TRIT1: variants seen among roughly 807,000 people sequenced by gnomAD.
The protein encoded by TRIT1 is tRNA isopentenyltransferase 1.
In TRIT1, 43 loss-of-function variants were observed where a neutral mutation model predicts 51.2. That is an observed-to-expected ratio of 0.84 (90% CI 0.66 to 1.08). TRIT1 has a LOEUF of 1.08. Ranked by LOEUF, TRIT1 falls within the 50% of genes least tolerant of loss-of-function variation. The pLI is 0.00. For synonymous variants in TRIT1, 184 were observed against 203.9 expected (o/e 0.90, Z 0.83); for missense variants, 528 against 578.4 (o/e 0.91, Z 0.89).
chr1:39,847,912 C>T, intron 6 of TRIT1, 74 bp downstream of exon 6: 1 of 1,436,890 alleles, frequency 7.0e-7, no homozygotes, highest in Non-Finnish European at 9.7e-7. Flanking sequence ...GACCCAAAGC[C>T]AGTATTAGCG....
intron 9 of TRIT1, 74 bp downstream of exon 9, chr1:39,844,457 A>G (rs1642105402): frequency 8.2e-7 from 1 of 1,216,920 alleles, no homozygotes; most frequent in East Asian, 2.4e-5. Context: ...GTTCTTCAAT[A>G]TAGCAACAAA....
chr1:39,847,668 C>G lies in TRIT1; in HGVS notation c.816-8G>C. 1 of 1,614,182 alleles carries G rather than the reference C, an allele frequency of 6.2e-7. No individual in the cohort carries two copies. The highest frequency in any genetic ancestry group is 8.5e-7 in the Non-Finnish European group (1 of 1,180,038). On this transcript the variant is annotated splice_polypyrimidine_tract_variant and splice_region_variant and intron_variant, in intron 6 of 10. Coordinates refer to ENST00000316891, the MANE Select transcript of TRIT1 (RefSeq NM_017646.6). ...CCATGTTGATAGTCCTGGCTGGGAACAGGAGGGTATCAGCAGATAAGCCAT... is the reference window on the plus strand; with the variant it reads ...CCATGTTGATAGTCCTGGCTGGGAAGAGGAGGGTATCAGCAGATAAGCCAT...
chr1:39,862,005 C>G (rs1249365434), intron 1 of TRIT1, among the ~76,000 whole-genome samples: 1 of 151,192 alleles, frequency 6.6e-6, no homozygotes, highest in African/African-American at 2.4e-5. Flanking sequence ...CTTGAACATA[C>G]TATGCTAAGT....
chr1:39,852,550 A>G, intron 4 of TRIT1, 181 bp downstream of exon 4: 1 of 681,432 alleles, frequency 1.5e-6, no homozygotes, highest in Non-Finnish European at 2.5e-6. Context: ...GGCTGCAATT[A>G]TTTATTGAGG....
At chr1:39,866,644 A>G (rs1284798353) in intron 1 of TRIT1, among the ~76,000 whole-genome samples, 1 of 152,136 alleles carries the variant, frequency 6.6e-6, no homozygotes, top group African/African-American at 2.4e-5. Flanking sequence ...AACTGTAGAT[A>G]TGCTGAATAA....
chr1:39,851,004 T>C (rs373341995), intron 4 of TRIT1, among the ~76,000 whole-genome samples: 3 of 151,426 alleles, frequency 2.0e-5, no homozygotes, highest in South Asian at 4.2e-4. Context: ...ACTAGGTAAT[T>C]TAACTCCCAA....
At chr1:39,882,744 C>T (rs182830862) in intron 1 of TRIT1, among the ~76,000 whole-genome samples, 3 of 152,340 alleles carry the variant, frequency 2.0e-5, no homozygotes, top group South Asian at 4.1e-4. Flanking sequence ...ACATTTTCCT[C>T]ACTTCACAGA....
At chr1:39,875,830 G>A (rs555050833) in intron 1 of TRIT1, among the ~76,000 whole-genome samples, 7 of 152,210 alleles carry the variant, frequency 4.6e-5, no homozygotes, top group African/African-American at 1.7e-4. Context: ...AAACAGCATG[G>A]AGATGAGGAT....
chr1:39,840,120 A>G lies in TRIT1; in HGVS notation c.*1624T>C, dbSNP rs1652501501. Among the ~76,000 whole-genome samples, 1 of 152,208 alleles carries G rather than the reference A, an allele frequency of 6.6e-6. No homozygotes were observed. The highest frequency in any genetic ancestry group is 2.4e-5 in the African/African-American group (1 of 41,450). ...CCTCCCAGGGCTGTGTGAGAAGATA[A>G]CATATAAAAACGACTTGGCACTGCT... On this transcript the variant is annotated 3_prime_UTR_variant, in exon 11 of 11. Transcript: ENST00000316891.
At position 39,844,654 on chromosome 1, in the gene TRIT1, AG is replaced by A; in HGVS notation, c.1007-15del. ...TGGGACCAGGTCCTAATGATGACAA[AG>A]AAAGGTTGTGAGAGGTCAGCCTCAA... is the stretch of plus-strand genomic sequence containing the variant. On this transcript the variant is annotated splice_polypyrimidine_tract_variant and intron_variant, in intron 8 of 10. Transcript: ENST00000316891. 6.3e-7 allele frequency: 1 copy of A among 1,598,140 alleles called. No homozygotes were observed.
intron 4 of TRIT1, among the ~76,000 whole-genome samples, chr1:39,851,341 G>A (rs866654562): frequency 2.6e-5 from 4 of 152,174 alleles, no homozygotes; most frequent in African/African-American, 2.4e-5. Context: ...TCGTTTAGAC[G>A]CAGCAAAATG....
Position 39,850,120 on chromosome 1 carries a change from T to C in TRIT1, c.702A>G (p.Ala234=). 1 of 1,614,180 alleles carries C rather than the reference T, an allele frequency of 6.2e-7. No homozygotes were observed. Among genetic ancestry groups the C allele is most frequent in the Non-Finnish European group, 8.5e-7 (1 of 1,180,010 alleles). Residue 234 remains alanine (A), a splice_region_variant and synonymous_variant, in exon 5 of 11, where the codon GCA becomes GCG. Transcript: ENST00000316891. ...TCTAGGGCATCAAAGGGCTGTTACC[T>C]GCCTGGTCAGCATGAAGCCAAAGGA... ...PCILWLHADQ[A]VLDERLDKRV... is the part of the protein sequence containing the mutation.
chr1:39,879,233 G>C (rs1324188559), intron 1 of TRIT1, among the ~76,000 whole-genome samples: 1 of 151,766 alleles, frequency 6.6e-6, no homozygotes, highest in Non-Finnish European at 1.5e-5. Flanking sequence ...CATGAGCCTG[G>C]GTGACAGAGC....
Position 39,883,406 on chromosome 1 carries a change from A to C in TRIT1, c.86T>G (p.Leu29Arg). ...LQRTLPLVVI[L>R]GATGTGKSTL... ...GGATTTGCCGGTGCCCGTGGCCCCG[A>C]GAATCACTACAAGAGGTAGGGTCCG... The change falls in exon 1 of 11, where the codon CTC (leucine) becomes CGC (arginine). Residue 29 changes from leucine (L) to arginine (R), a missense_variant. Physicochemically the swap from Leu to Arg is moderately radical, Grantham distance 102. Around this residue, in one of 3 missense-constraint regions of TRIT1, gnomAD observed 55 missense variants for 37.0 expected, o/e 1.49. Coordinates refer to ENST00000316891, the MANE Select transcript of TRIT1 (RefSeq NM_017646.6). 1 of 1,613,852 alleles carries C rather than the reference A, an allele frequency of 6.2e-7. No homozygotes were observed. The highest frequency in any genetic ancestry group is 2.2e-5 in the East Asian group (1 of 44,870).
intron 1 of TRIT1, among the ~76,000 whole-genome samples, chr1:39,858,777 C>A (rs987380760): frequency 1.3e-4 from 20 of 152,148 alleles, no homozygotes; most frequent in Non-Finnish European, 1.9e-4. Flanking sequence ...AAAGCATCAA[C>A]TCTGCCTTTT....
chr1:39,865,714 G>A lies in TRIT1; in HGVS notation c.175-8297C>T, dbSNP rs551368925. ...AAGAAAAGAAAATTAGTCAGGCATG[G>A]TGGTGTGCACCTGTAGTCCCAACTA... On this transcript the variant is annotated intron_variant, in intron 1 of 10. Transcript: ENST00000316891. 6.6e-5 allele frequency among the ~76,000 whole-genome samples: 10 copies of A among 151,042 alleles called. No homozygotes were observed. In the East Asian group the frequency reaches 9.7e-4, roughly 15 times the overall value.
chr1:39,859,939 G>A (rs1378625513), intron 1 of TRIT1, among the ~76,000 whole-genome samples: 1 of 152,172 alleles, frequency 6.6e-6, no homozygotes, highest in South Asian at 2.1e-4. Context: ...AACCCTAGAA[G>A]GCTAGATAAA....
intron 1 of TRIT1, among the ~76,000 whole-genome samples, chr1:39,868,321 G>C (rs368870862): frequency 3.3e-5 from 5 of 152,250 alleles, no homozygotes; most frequent in Middle Eastern, 6.8e-3. Context: ...TAACATATCT[G>C]ATAAAGGATT....
chr1:39,843,969 CTCTTAGAGGAA>C, intron 10 of TRIT1, 121 bp downstream of exon 10: 2 of 589,332 alleles, frequency 3.4e-6, no homozygotes, highest in Non-Finnish European at 5.9e-6. Context: ...TGAGCACAGG[CTCTTAGAGGAA>C]TCTAGCTGTC....
Sources: gnomAD v4.1 joint callset for allele counts (sites outside exome capture counted in the v4.1 genomes callset) on GRCh38, gnomAD v4.1.1 for gene constraint, gnomAD v4.1.1 regional missense constraint, MANE v1.5 for transcripts, NCBI Gene and HGNC (gene_info 2026-07-23, HGNC 2026-07-21) for gene names.